The following RBMXL1 variants were observed in gnomAD, a reference collection of about 807,000 sequenced individuals.
The protein encoded by RBMXL1 is RNA binding motif protein, X-linked-like-1.
In RBMXL1, 18 loss-of-function variants were observed where a neutral mutation model predicts 29.0. That is an observed-to-expected ratio of 0.62 (90% CI 0.43 to 0.92). RBMXL1 has a LOEUF of 0.92. RBMXL1 is among the 40% of genes least tolerant of loss of function. The probability of loss-of-function intolerance (pLI) is 0.00; values close to 1 mark genes in which losing one functional copy is unlikely to be tolerated. For synonymous variants in RBMXL1, 141 were observed against 170.4 expected (o/e 0.83, Z 1.34); for missense variants, 403 against 495.8 (o/e 0.81, Z 1.78).
In RBMXL1 at chr1:88,985,232, G is replaced by C. The variant is rs1677381733; in HGVS notation, c.-240-1166C>G. Among the ~76,000 whole-genome samples, 3 of 152,174 alleles carry C rather than the reference G, an allele frequency of 2.0e-5. No homozygotes were observed. The South Asian group carries it at 6.2e-4, about 32-fold the overall frequency. On this transcript the variant is annotated intron_variant, in intron 2 of 2. Coordinates refer to ENST00000652648, the MANE Select transcript of RBMXL1 (RefSeq NM_001162536.3). The stretch of plus-strand genomic sequence containing the variant: ...ACCTTGGAAGAGTGAGTAAGTGAAG[G>C]GAGTGCGTGAGTATTGTCCTCACCC...
chr1:88,990,198 A>G (rs1480292801), intron 1 of RBMXL1, among the ~76,000 whole-genome samples: 1 of 152,058 alleles, frequency 6.6e-6, no homozygotes, highest in Non-Finnish European at 1.5e-5. Flanking sequence ...CATTCCCTCT[A>G]CGGATACCTT....
rs749567650 is a variant in RBMXL1 at position 88,988,363 on chromosome 1, A to C, written c.-340-12T>G. 2 of 1,558,466 alleles carry C rather than the reference A, an allele frequency of 1.3e-6. No homozygotes were observed. Among genetic ancestry groups the C allele is most frequent in the Non-Finnish European group, 1.8e-6 (2 of 1,131,546 alleles). On this transcript the variant is annotated splice_polypyrimidine_tract_variant and intron_variant, in intron 1 of 2. Coordinates refer to ENST00000652648, the MANE Select transcript of RBMXL1 (RefSeq NM_001162536.3). ...GGGCCAAAAACATGCTATTAAATAA[A>C]AGAAAAATTGAGAAGAGGAATAAAT...
Position 88,982,178 on chromosome 1 carries a change from G to A in RBMXL1, c.*476C>T. ...CATCTGATTTCAGGTTTTGCATACT[G>A]AGAACAGTGAGATTTCAGTTAGAAA... On this transcript the variant is annotated 3_prime_UTR_variant, in exon 3 of 3. Transcript: ENST00000652648. 1 of 875,048 alleles carries A rather than the reference G, an allele frequency of 1.1e-6. No homozygotes were observed. The highest frequency in any genetic ancestry group is 1.4e-6 in the Non-Finnish European group (1 of 727,756). 54.2% of individuals were successfully genotyped at this position (875,048 alleles called of 1,614,324 possible).
At chr1:88,991,450 C>T (rs1050866000) in intron 1 of RBMXL1, among the ~76,000 whole-genome samples, 1 of 152,196 alleles carries the variant, frequency 6.6e-6, no homozygotes, top group Non-Finnish European at 1.5e-5. Context: ...AAGAGTCCGA[C>T]CACTGTAAAG....
intron 2 of RBMXL1, 23 bp downstream of exon 2, chr1:88,988,229 A>G: frequency 6.7e-7 from 1 of 1,486,010 alleles, no homozygotes. Context: ...ACAATAATTT[A>G]TCTGTAAGTA....
chr1:88,982,661 C>G lies in RBMXL1; in HGVS notation c.1166G>C (p.Arg389Thr). The part of the protein sequence containing the change: ...SRSDRGGGRS[R>T]Y Reference sequence around the variant, plus strand: ...CCAAAGTTTTGTTTGTTTCTAGTATCTGCTTCTGCCTCCCCCTCTATCAGA... The same window carrying G: ...CCAAAGTTTTGTTTGTTTCTAGTATGTGCTTCTGCCTCCCCCTCTATCAGA... Residue 389 changes from arginine (R) to threonine (T), a missense_variant, in exon 3 of 3, where the codon AGA becomes ACA. Arg to Thr is a moderately conservative substitution (Grantham distance 71). Coordinates refer to ENST00000652648, the MANE Select transcript of RBMXL1 (RefSeq NM_001162536.3). The G allele has an allele frequency of 6.3e-7, 1 of 1,596,600 alleles. No homozygotes were observed. The highest frequency in any genetic ancestry group is 1.4e-5 in the African/African-American group (1 of 74,050).
At chr1:88,991,960 G>C (rs755360742) in intron 1 of RBMXL1, among the ~76,000 whole-genome samples, 1 of 150,424 alleles carries the variant, frequency 6.6e-6, no homozygotes, top group Non-Finnish European at 1.5e-5. Context: ...ATAAGGCAAC[G>C]TAACAGCCTT....
intron 2 of RBMXL1, among the ~76,000 whole-genome samples, chr1:88,985,821 C>T (rs551091581): frequency 1.1e-4 from 17 of 152,272 alleles, no homozygotes; most frequent in African/African-American, 4.1e-4. Flanking sequence ...AGTAACTTTG[C>T]ACTAAAGGAG....
chr1:88,986,429 T>C (rs1677462850), intron 2 of RBMXL1, among the ~76,000 whole-genome samples: 1 of 151,450 alleles, frequency 6.6e-6, no homozygotes, highest in South Asian at 2.1e-4. Flanking sequence ...ATTGAGACCA[T>C]CCTGGACTAC....
chr1:88,984,203 G>GTTTTTT (rs1557707537), intron 2 of RBMXL1, 137 bp from the exon 3 acceptor site: 3 of 98,324 alleles, frequency 3.1e-5, no homozygotes, highest in Admixed American at 9.5e-5. Flanking sequence ...TTTTTTTGTT[G>GTTTTTT]CTTTTTTTTT....
At position 88,991,796 on chromosome 1, in the gene RBMXL1, A is replaced by AG. The variant is rs1425584428; in HGVS notation, c.-341+788dup. On this transcript the variant is annotated intron_variant, in intron 1 of 2. Transcript: ENST00000652648. ...TTGGCTCCCGAAGTCAGACTTGCTA[A>AG]GGGCTGACCTGCAGCCCCAGTCCCC... Among the ~76,000 whole-genome samples, 4 of 152,244 alleles carry AG rather than the reference A, an allele frequency of 2.6e-5. No individual in the cohort carries two copies. In the East Asian group the frequency reaches 7.7e-4, roughly 29 times the overall value.
chr1:88,992,132 C>T (rs1677839973), intron 1 of RBMXL1, among the ~76,000 whole-genome samples: 1 of 152,078 alleles, frequency 6.6e-6, no homozygotes, highest in Admixed American at 6.5e-5. Context: ...GCGCCCGCCA[C>T]CACGCCCGGC....
intron 2 of RBMXL1, among the ~76,000 whole-genome samples, chr1:88,985,975 G>C (rs1181875376): frequency 6.6e-6 from 1 of 151,928 alleles, no homozygotes; most frequent in Non-Finnish European, 1.5e-5. Flanking sequence ...GAGCCCAGTA[G>C]TTTGAGACCA....
chr1:88,979,780 T>A lies in RBMXL1; in HGVS notation c.*2874A>T, dbSNP rs1371361387. On this transcript the variant is annotated 3_prime_UTR_variant, in exon 3 of 3. Coordinates refer to ENST00000652648, the MANE Select transcript of RBMXL1 (RefSeq NM_001162536.3). Reference sequence around the variant, plus strand: ...AGTTTGGCAGTTACTTTATTAAACATAAATCTGCCATGCAACCCAACCATT... The same window carrying A: ...AGTTTGGCAGTTACTTTATTAAACAAAAATCTGCCATGCAACCCAACCATT... 1 of 152,186 alleles carries A rather than the reference T, an allele frequency of 6.6e-6. No homozygotes were observed. Among genetic ancestry groups the A allele is most frequent in the East Asian group, 1.9e-4 (1 of 5,198 alleles). The allele number at this position is 152,186 out of a possible 1,614,324, so 9.4% of individuals were successfully genotyped here. A position where few individuals can be genotyped will look rare whatever the true frequency, so the allele number is the denominator to read the frequency against.
intron 1 of RBMXL1, 92 bp from the exon 2 acceptor site, chr1:88,988,443 T>C: frequency 1.5e-6 from 1 of 659,040 alleles, no homozygotes; most frequent in Non-Finnish European, 2.5e-6. Context: ...TATCATAAGC[T>C]TACGTAAAAT....
chr1:88,985,104 A>G (rs1677371607), intron 2 of RBMXL1, among the ~76,000 whole-genome samples: 1 of 152,268 alleles, frequency 6.6e-6, no homozygotes, highest in Non-Finnish European at 1.5e-5. Context: ...CTGAAAGCTG[A>G]TAACAGCTAA....
At chr1:88,988,157 A>G in intron 2 of RBMXL1, 95 bp downstream of exon 2, 1 of 760,974 alleles carries the variant, frequency 1.3e-6, no homozygotes, top group Non-Finnish European at 2.2e-6. Context: ...GTTCATTTCA[A>G]TAAAGTATTT....
Position 88,982,493 on chromosome 1 carries a change from C to T in RBMXL1, c.*161G>A, listed in dbSNP as rs555897489. Reference sequence around the variant, plus strand: ...AAATTAAACATGTTTTACTTTTTTCCTCACAAGAACATAAAAATTACGGAA... The same window carrying T: ...AAATTAAACATGTTTTACTTTTTTCTTCACAAGAACATAAAAATTACGGAA... On this transcript the variant is annotated 3_prime_UTR_variant, in exon 3 of 3. Coordinates refer to ENST00000652648, the MANE Select transcript of RBMXL1 (RefSeq NM_001162536.3). 2 of 1,213,336 alleles carry T rather than the reference C, an allele frequency of 1.6e-6. No homozygotes were observed. The highest frequency in any genetic ancestry group is 1.5e-5 in the African/African-American group (1 of 65,100). 75.2% of individuals were successfully genotyped at this position (1,213,336 alleles called of 1,614,324 possible). A position where few individuals can be genotyped will look rare whatever the true frequency, so the allele number is the denominator to read the frequency against.
Position 88,983,769 on chromosome 1 carries a change from T to C in RBMXL1, c.58A>G (p.Asn20Asp), listed in dbSNP as rs751178883. ...LFIGGLNTET[N>D]EKALETVFGK... The stretch of plus-strand genomic sequence containing the variant: ...AATACTGTTTCAAGAGCTTTCTCAT[T>C]TGTTTCCGTATTAAGCCCACCAATG... The change falls in exon 3 of 3, where the codon AAT (asparagine) becomes GAT (aspartate). Residue 20 changes from asparagine (N) to aspartate (D), a missense_variant. By Grantham distance (23) the Asn-to-Asp change is conservative (BLOSUM62 1). Coordinates refer to ENST00000652648, the MANE Select transcript of RBMXL1 (RefSeq NM_001162536.3). 1 of 1,613,940 alleles carries C rather than the reference T, an allele frequency of 6.2e-7. No homozygotes were observed. The highest frequency in any genetic ancestry group is 8.5e-7 in the Non-Finnish European group (1 of 1,179,890).
Sources: gnomAD v4.1 joint callset for allele counts (sites outside exome capture counted in the v4.1 genomes callset) on GRCh38, gnomAD v4.1.1 for gene constraint, MANE v1.5 for transcripts, NCBI Gene and HGNC (gene_info 2026-07-23, HGNC 2026-07-21) for gene names.